The following DLGAP2 variants were observed in gnomAD, a reference collection of about 807,000 sequenced individuals.
DLGAP2 encodes disks large-associated protein 2.
DLGAP2 carries 26 observed loss-of-function variants against 100.3 expected under a neutral mutation model. The ratio of observed to expected loss-of-function variants is 0.26; its 90% CI spans 0.19 to 0.36. The LOEUF (loss-of-function observed/expected upper bound fraction) is 0.36. Among genes scored for constraint, DLGAP2 ranks in the 10% least tolerant of loss-of-function variants. DLGAP2 has a pLI of 1.00. For missense variants in DLGAP2, 1,858 were observed against 1,453.2 expected (o/e 1.28, Z -4.53); for synonymous variants, 886 against 630.1 (o/e 1.41, Z -6.08).
At chr8:1,531,091 C>A (rs1206968553) in intron 4 of DLGAP2, among the ~76,000 whole-genome samples, 1 of 152,140 alleles carries the variant, frequency 6.6e-6, no homozygotes, top group Non-Finnish European at 1.5e-5. Context: ...CAAATGTATT[C>A]CACATTCCCT....
chr8:1,327,285 C>A (rs1038887440), intron 3 of DLGAP2, among the ~76,000 whole-genome samples: 3 of 152,198 alleles, frequency 2.0e-5, no homozygotes, highest in Admixed American at 6.5e-5. Flanking sequence ...ATGGGCCCAC[C>A]CTCCACTGCA....
intron 1 of DLGAP2, among the ~76,000 whole-genome samples, chr8:801,553 C>T (rs867129243): frequency 6.6e-6 from 1 of 152,182 alleles, no homozygotes; most frequent in Non-Finnish European, 1.5e-5. Flanking sequence ...CTGCCTGGTT[C>T]GGCCTTAGCC....
intron 3 of DLGAP2, among the ~76,000 whole-genome samples, chr8:1,291,226 C>T (rs1162269784): frequency 6.6e-6 from 1 of 152,102 alleles, no homozygotes; most frequent in East Asian, 1.9e-4. Context: ...TACAGATTCA[C>T]AGAATGGATG....
chr8:1,673,643 C>A (rs574121840), intron 10 of DLGAP2, among the ~76,000 whole-genome samples: 7 of 152,192 alleles, frequency 4.6e-5, no homozygotes, highest in African/African-American at 1.7e-4. Flanking sequence ...TTGCTGTGGA[C>A]GAACCTACTT....
At chr8:1,329,700 G>A (rs977114251) in intron 3 of DLGAP2, among the ~76,000 whole-genome samples, 23 of 152,096 alleles carry the variant, frequency 1.5e-4, no homozygotes, top group East Asian at 5.8e-4. Flanking sequence ...AAGATGAGCC[G>A]TGCGTGAGGT....
At chr8:1,417,053 C>T (rs1796907419) in intron 3 of DLGAP2, among the ~76,000 whole-genome samples, 1 of 77,470 alleles carries the variant, frequency 1.3e-5, no homozygotes, top group Admixed American at 1.1e-4. Context: ...CCCACACTGT[C>T]CCCGGCGGGT....
At chr8:1,176,065 T>C (rs1247206705) in intron 2 of DLGAP2, among the ~76,000 whole-genome samples, 4 of 152,202 alleles carry the variant, frequency 2.6e-5, no homozygotes, top group East Asian at 1.9e-4. Context: ...ATAAAAATAC[T>C]ACCTGAAACT....
chr8:1,249,304 T>C (rs907198552), intron 2 of DLGAP2, among the ~76,000 whole-genome samples: 5 of 152,156 alleles, frequency 3.3e-5, no homozygotes, highest in African/African-American at 7.2e-5. Context: ...TGGGAAGGTC[T>C]CAGCCTGCAT....
At chr8:1,007,316 G>A (rs1173963464) in intron 2 of DLGAP2, among the ~76,000 whole-genome samples, 1 of 152,224 alleles carries the variant, frequency 6.6e-6, no homozygotes, top group Non-Finnish European at 1.5e-5. Flanking sequence ...GACCTGGCCA[G>A]CCGCTCTCAG....
chr8:1,460,693 C>G (rs1041847164), intron 3 of DLGAP2, among the ~76,000 whole-genome samples: 1 of 152,190 alleles, frequency 6.6e-6, no homozygotes, highest in Non-Finnish European at 1.5e-5. Context: ...ATTTTCTCAA[C>G]TTTAAAGAGA....
intron 4 of DLGAP2, among the ~76,000 whole-genome samples, chr8:1,543,116 T>C (rs1308429389): frequency 5.9e-5 from 9 of 152,236 alleles, no homozygotes; most frequent in Admixed American, 3.3e-4. Flanking sequence ...CCTTCACAAA[T>C]ACGTGATTTA....
chr8:979,809 C>T (rs1800277535), intron 2 of DLGAP2, among the ~76,000 whole-genome samples: 1 of 152,192 alleles, frequency 6.6e-6, no homozygotes, highest in East Asian at 1.9e-4. Flanking sequence ...GTCACATGGC[C>T]TGCCTAAGTG....
At chr8:1,377,111 G>C (rs1018275653) in intron 3 of DLGAP2, among the ~76,000 whole-genome samples, 2 of 152,234 alleles carry the variant, frequency 1.3e-5, no homozygotes, top group African/African-American at 4.8e-5. Context: ...AGATAGGCGT[G>C]TGCGTCCCAG....
chr8:1,575,729 T>A (rs1802942391), intron 6 of DLGAP2, among the ~76,000 whole-genome samples: 1 of 150,218 alleles, frequency 6.7e-6, no homozygotes, highest in Admixed American at 6.7e-5. Flanking sequence ...TTTGGTTTTT[T>A]GTTCTTGTGA....
rs573449061 is a variant in DLGAP2, at chr8:805,101, A to C, written c.18+67276A>C. 3.3e-3 allele frequency among the ~76,000 whole-genome samples: 502 copies of C among 152,314 alleles called. 4 individuals are homozygous for C. The highest frequency in any genetic ancestry group is 0.012 in the African/African-American group (482 of 41,572). On this transcript the variant is annotated intron_variant, in intron 1 of 14. Coordinates refer to ENST00000637795, the MANE Select transcript of DLGAP2 (RefSeq NM_001346810.2). ...CTTTTTCTAAAAGCTCTAGACACTT[A>C]CCTGACTGATTCGTAATGGGAATGA...
At chr8:1,217,390 C>A (rs1045363335) in intron 2 of DLGAP2, among the ~76,000 whole-genome samples, 1 of 152,066 alleles carries the variant, frequency 6.6e-6, no homozygotes, top group Non-Finnish European at 1.5e-5. Flanking sequence ...CATGTCTTTG[C>A]TATTGTGAAT....
intron 2 of DLGAP2, among the ~76,000 whole-genome samples, chr8:1,007,773 A>T (rs577561390): frequency 6.6e-6 from 1 of 152,230 alleles, no homozygotes; most frequent in African/African-American, 2.4e-5. Context: ...ACTGTATTTT[A>T]TGTTGCTGTG....
At chr8:1,497,602 C>A (rs1295625892) in intron 3 of DLGAP2, among the ~76,000 whole-genome samples, 2 of 152,192 alleles carry the variant, frequency 1.3e-5, no homozygotes. Flanking sequence ...TCTGAGGTCG[C>A]TGAGATGGTA....
intron 1 of DLGAP2, among the ~76,000 whole-genome samples, chr8:890,784 T>G (rs1798019011): frequency 6.6e-6 from 1 of 152,066 alleles, no homozygotes; most frequent in Non-Finnish European, 1.5e-5. Context: ...CTCAGCCCCC[T>G]GTCCTTTGCA....
Sources: allele counts gnomAD v4.1 joint callset (sites outside exome capture counted in the v4.1 genomes callset), GRCh38; gene constraint gnomAD v4.1.1; transcripts MANE v1.5; gene names NCBI Gene and HGNC (gene_info 2026-07-23, HGNC 2026-07-21).